The following LTAP1 variants were observed in gnomAD, a reference collection of about 807,000 sequenced individuals.
LTAP1 encodes the protein HCV NS5A-transactivated protein 4.
At chr1:154,212,999 C>T in the LTAP1 span, among the ~76,000 whole-genome samples, 1 of 152,006 alleles carries the variant, frequency 6.6e-6, no homozygotes, top group African/African-American at 2.4e-5. Context: ...TAGTTAATTC[C>T]CCAAACTTAG....
the LTAP1 span, among the ~76,000 whole-genome samples, chr1:154,216,498 CTAAT>C: frequency 7.3e-5 from 11 of 151,658 alleles, no homozygotes; most frequent in African/African-American, 2.7e-4. Context: ...CCATGCATGG[CTAAT>C]TATTAAACAT....
chr1:154,209,330 G>C, the LTAP1 span, among the ~76,000 whole-genome samples: 1 of 151,046 alleles, frequency 6.6e-6, no homozygotes, highest in Non-Finnish European at 1.5e-5. Flanking sequence ...ATCTTTCAAA[G>C]AAAGTGAATT....
the LTAP1 span, chr1:154,212,164 C>G: frequency 1.2e-6 from 1 of 855,056 alleles, no homozygotes; most frequent in Non-Finnish European, 1.9e-6. Flanking sequence ...GCCGCATCTG[C>G]TTTCTAATGT....
chr1:154,212,197 G>GA, the LTAP1 span: 4 of 1,078,628 alleles, frequency 3.7e-6, no homozygotes, highest in Non-Finnish European at 5.7e-6. Flanking sequence ...TAATAGTCTA[G>GA]AACCTGACAA....
At chr1:154,217,491 T>C in the LTAP1 span, among the ~76,000 whole-genome samples, 1 of 152,120 alleles carries the variant, frequency 6.6e-6, no homozygotes, top group African/African-American at 2.4e-5. Flanking sequence ...ACATGGTACA[T>C]ATTCTCTTGT....
the LTAP1 span, chr1:154,207,778 C>A: frequency 1.8e-5 from 14 of 780,368 alleles, no homozygotes; most frequent in Non-Finnish European, 2.8e-5. Flanking sequence ...ATTTTGTAAA[C>A]TAGTTACTAA....
At chr1:154,207,385 C>T in the LTAP1 span, 115 of 1,512,258 alleles carry the variant, frequency 7.6e-5, no homozygotes, top group African/African-American at 1.8e-4. Context: ...GAGGGCGGCC[C>T]GGCAAGCAGC....
chr1:154,220,261 T>G, the LTAP1 span: 1 of 1,522,734 alleles, frequency 6.6e-7, no homozygotes, highest in South Asian at 1.1e-5. Context: ...GGGTGGAGAA[T>G]GCAGACGGGG....
the LTAP1 span, among the ~76,000 whole-genome samples, chr1:154,218,785 T>G: frequency 6.6e-6 from 1 of 152,162 alleles, no homozygotes; most frequent in Admixed American, 6.5e-5. Flanking sequence ...AAGCTTACGG[T>G]CTAGCGGAAG....
chr1:154,210,620 G>A, the LTAP1 span, among the ~76,000 whole-genome samples: 81 of 152,052 alleles, frequency 5.3e-4, 2 homozygotes, highest in South Asian at 0.017. Flanking sequence ...TGGCATTACA[G>A]GTGCGCACAT....
chr1:154,212,541 T>C, the LTAP1 span: 27 of 1,614,066 alleles, frequency 1.7e-5, no homozygotes, highest in African/African-American at 2.5e-4. Flanking sequence ...GGCGTACTAG[T>C]GTTTCGCAGA....
At chr1:154,208,802 G>C in the LTAP1 span, among the ~76,000 whole-genome samples, 1 of 152,306 alleles carries the variant, frequency 6.6e-6, no homozygotes, top group African/African-American at 2.4e-5. Context: ...TCAGGCTGGA[G>C]TGCAGTGGCA....
At chr1:154,206,778 GGC>G in the LTAP1 span, 3 of 156,712 alleles carry the variant, frequency 1.9e-5, no homozygotes, top group African/African-American at 7.2e-5. Flanking sequence ...CAGTGCATTG[GGC>G]TTGTTAGGGG....
the LTAP1 span, chr1:154,220,505 G>A: frequency 8.7e-6 from 12 of 1,379,074 alleles, no homozygotes; most frequent in East Asian, 2.8e-4. Context: ...GTCCCCTGGA[G>A]CTCCCCGGCC....
chr1:154,207,521 G>A, the LTAP1 span: 2 of 1,614,182 alleles, frequency 1.2e-6, no homozygotes, highest in Non-Finnish European at 8.5e-7. Flanking sequence ...TGCTTGGCAC[G>A]TTTACTCTTC....
the LTAP1 span, chr1:154,207,635 T>C: frequency 6.2e-7 from 1 of 1,606,582 alleles, no homozygotes; most frequent in South Asian, 1.1e-5. Flanking sequence ...GAGCTCCCAA[T>C]TCGTGCTTTA....
At chr1:154,220,525 C>T in the LTAP1 span, 4 of 1,114,192 alleles carry the variant, frequency 3.6e-6, no homozygotes, top group East Asian at 2.4e-5. Flanking sequence ...CATTTCCTTA[C>T]GGGGGAAGAC....
chr1:154,219,981 T>G, the LTAP1 span: 4 of 1,460,506 alleles, frequency 2.7e-6, no homozygotes, highest in Admixed American at 7.3e-5. Flanking sequence ...AAGTCAGTTT[T>G]GTTTTGTTTT....
At chr1:154,216,966 T>C in the LTAP1 span, among the ~76,000 whole-genome samples, 1 of 151,794 alleles carries the variant, frequency 6.6e-6, no homozygotes, top group Non-Finnish European at 1.5e-5. Flanking sequence ...TTTTTTTTTT[T>C]TGATACAGAG....
Sources: allele counts gnomAD v4.1 joint callset (sites outside exome capture counted in the v4.1 genomes callset), GRCh38; gene constraint gnomAD v4.1.1; transcripts MANE v1.5; gene names NCBI Gene and HGNC (gene_info 2026-07-23, HGNC 2026-07-21).